The following MACF1 variants were observed in gnomAD, a reference collection of about 807,000 sequenced individuals.
MACF1 encodes the protein microtubule actin crosslinking factor 1.
Under a neutral mutation model 854.8 loss-of-function variants are expected in MACF1, and 193 were observed. That is an observed-to-expected ratio of 0.23 (90% CI 0.20 to 0.25). The LOEUF is 0.25. Ranked by LOEUF, MACF1 falls within the 10% of genes least tolerant of loss-of-function variation. MACF1 has a pLI of 1.00. For missense variants in MACF1, 7,722 were observed against 8,929.1 expected, an observed-to-expected ratio of 0.86 and a Z score of 5.45; for synonymous variants, 3,185 against 3,226.7, an observed-to-expected ratio of 0.99 and a Z score of 0.44.
At chr1:39,370,224 A>G (rs1321102207) in intron 51 of MACF1, 38 bp downstream of exon 51, 1 of 1,559,646 alleles carries the variant, frequency 6.4e-7, no homozygotes, top group South Asian at 1.2e-5. Flanking sequence ...TGGGCTAGGC[A>G]CTGGTTTGAA....
intron 2 of MACF1, among the ~76,000 whole-genome samples, chr1:39,160,531 A>G (rs1285985156): frequency 6.6e-6 from 1 of 152,258 alleles, no homozygotes; most frequent in Non-Finnish European, 1.5e-5. Context: ...TATACACTGT[A>G]TAATAGTCTT....
chr1:39,441,884 G>A, intron 74 of MACF1, 68 bp from the exon 75 acceptor site: 1 of 1,146,962 alleles, frequency 8.7e-7, no homozygotes, highest in Non-Finnish European at 1.3e-6. Context: ...TATGTTAGCA[G>A]AGATAATGCT....
chr1:39,225,204 A>G (rs1644700344), intron 1 of MACF1, among the ~76,000 whole-genome samples: 1 of 53,284 alleles, frequency 1.9e-5, no homozygotes, highest in Non-Finnish European at 3.8e-5. Flanking sequence ...CAAATAGCAA[A>G]TTTTTCTTTT....
At chr1:39,336,803 TATC>T in intron 37 of MACF1, 150 bp downstream of exon 37, 2 of 799,698 alleles carry the variant, frequency 2.5e-6, no homozygotes, top group South Asian at 4.9e-5. Context: ...TAACTTAGTT[TATC>T]ATCATCTGTT....
intron 70 of MACF1, among the ~76,000 whole-genome samples, chr1:39,437,292 T>C (rs1406673441): frequency 6.6e-6 from 1 of 151,924 alleles, no homozygotes; most frequent in African/African-American, 2.4e-5. Context: ...CAAAACAGTT[T>C]TGTTGTTGTT....
intron 97 of MACF1, 39 bp from the exon 98 acceptor site, chr1:39,479,759 G>A (rs1376166344): frequency 1.3e-6 from 2 of 1,575,742 alleles, no homozygotes; most frequent in Non-Finnish European, 8.7e-7. Context: ...ATATTTTTTA[G>A]AAGAACTGAC....
At chr1:39,284,752 A>T (rs1354067116) in intron 11 of MACF1, among the ~76,000 whole-genome samples, 8 of 152,186 alleles carry the variant, frequency 5.3e-5, no homozygotes, top group Admixed American at 5.2e-4. Context: ...TTCTATTCAG[A>T]ATTTGATTCC....
intron 2 of MACF1, among the ~76,000 whole-genome samples, chr1:39,087,423 G>A (rs918773272): frequency 2.6e-5 from 4 of 152,206 alleles, no homozygotes; most frequent in South Asian, 2.1e-4. Context: ...GAGGGATGTC[G>A]GGGCTGAGAA....
At chr1:39,301,274 C>T (rs2148416294) in intron 22 of MACF1, among the ~76,000 whole-genome samples, 1 of 148,508 alleles carries the variant, frequency 6.7e-6, no homozygotes, top group African/African-American at 2.5e-5. Context: ...CTACATGTGC[C>T]CGCCACCATG....
intron 2 of MACF1, among the ~76,000 whole-genome samples, chr1:39,241,331 G>T (rs528076260): frequency 3.9e-5 from 6 of 152,182 alleles, no homozygotes; most frequent in African/African-American, 1.4e-4. Context: ...TAATTGTTTA[G>T]AGGAAAGATT....
intron 97 of MACF1, among the ~76,000 whole-genome samples, chr1:39,477,067 A>ACACT (rs1644904565): frequency 1.9e-4 from 3 of 15,446 alleles, no homozygotes; most frequent in East Asian, 1.8e-3. Context: ...ATATATATAT[A>ACACT]TATATATATA....
chr1:39,390,333 C>A (rs1050471753), intron 58 of MACF1, among the ~76,000 whole-genome samples: 1 of 152,210 alleles, frequency 6.6e-6, no homozygotes. Context: ...GACACCAGCT[C>A]AGAGCCACGT....
intron 36 of MACF1, among the ~76,000 whole-genome samples, chr1:39,327,893 G>A (rs1199390920): frequency 6.6e-6 from 1 of 152,102 alleles, no homozygotes; most frequent in African/African-American, 2.4e-5. Flanking sequence ...TCATTTCCTG[G>A]ACCATGTGAA....
rs767079116 is a variant in MACF1, at chr1:39,287,380, C to T, written c.1603C>T (p.Pro535Ser). 15 of 1,614,044 alleles carry T rather than the reference C, an allele frequency of 9.3e-6. No individual in the cohort carries two copies. The highest frequency in any genetic ancestry group is 9.3e-6 in the Non-Finnish European group (11 of 1,180,016). The change falls in exon 15 of 101, where the codon CCC becomes TCC. Residue 535 changes from proline (P) to serine (S), a missense_variant. Transcript: ENST00000564288. ...TTTCACTTCACTTGAATTGGTTCCA[C>T]CCTCTACTTTAACCACCACTCATCT... is the stretch of plus-strand genomic sequence containing the variant. ...GHFTSLELVP[P>S]STLTTTHLKA...
rs764492632 is a variant in MACF1, at chr1:39,430,763, G to A, written c.17192G>A (p.Arg5731His). 6.8e-6 allele frequency: 11 copies of A among 1,612,180 alleles called. No individual in the cohort carries two copies. Among genetic ancestry groups the A allele is most frequent in the African/African-American group, 4.0e-5 (3 of 74,868 alleles). The part of the protein sequence containing the change: ...LVLDTVNEVS[R>H]ALLELVPWRA... ...TTGGACACAGTGAATGAGGTGAGCCGTGCTCTCTTAGAGCTGGTGCCCTGG... is the reference window on the plus strand; with the variant it reads ...TTGGACACAGTGAATGAGGTGAGCCATGCTCTCTTAGAGCTGGTGCCCTGG... Residue 5731 changes from arginine (R) to histidine (H), a missense_variant, in exon 66 of 101, where the codon CGT becomes CAT. Coordinates refer to ENST00000564288, the MANE Select transcript of MACF1 (RefSeq NM_001394062.1).
chr1:39,205,296 C>G (rs538323645), intron 1 of MACF1, among the ~76,000 whole-genome samples, 165 bp downstream of exon 1: 2 of 152,140 alleles, frequency 1.3e-5, no homozygotes, highest in Admixed American at 6.6e-5. Context: ...AATGAAGAAG[C>G]TGGTCTGCCC....
intron 89 of MACF1, 142 bp downstream of exon 89, chr1:39,455,239 T>C (rs1644412750): frequency 2.6e-6 from 2 of 769,244 alleles, no homozygotes; most frequent in African/African-American, 3.5e-5. Flanking sequence ...CATACTTACT[T>C]ACCTCATAGT....
intron 23 of MACF1, chr1:39,304,181 C>T (rs1325507532): frequency 9.1e-6 from 1 of 109,434 alleles, no homozygotes; most frequent in Non-Finnish European, 1.9e-5. Flanking sequence ...CCCCCCACCC[C>T]ATCCCCCCAC....
chr1:39,390,573 C>T (rs74066771), intron 58 of MACF1, among the ~76,000 whole-genome samples: 5,331 of 152,242 alleles, frequency 0.035, 297 homozygotes, highest in African/African-American at 0.12. Flanking sequence ...AACGTAAACC[C>T]GTGAAGCAGT....
Sources: gnomAD v4.1 joint callset for allele counts (sites outside exome capture counted in the v4.1 genomes callset) on GRCh38, gnomAD v4.1.1 for gene constraint, MANE v1.5 for transcripts, NCBI Gene and HGNC (gene_info 2026-07-23, HGNC 2026-07-21) for gene names.